ARSK: variants seen among roughly 807,000 people sequenced by gnomAD.
ARSK encodes arylsulfatase K.
A neutral mutation model predicts 53.2 loss-of-function variants in ARSK; 37 were observed. The observed-to-expected ratio is 0.70, with a 90% confidence interval of 0.54 to 0.92. The LOEUF (loss-of-function observed/expected upper bound fraction) is 0.92. Among genes scored for constraint, ARSK ranks in the 40% least tolerant of loss-of-function variants. The pLI is 0.00. For missense variants in ARSK, 613 were observed against 643.0 expected, an observed-to-expected ratio of 0.95 and a Z score of 0.51; for synonymous variants, 208 against 223.2, an observed-to-expected ratio of 0.93 and a Z score of 0.61.
rs1749485179 is a variant in ARSK at position 95,605,102 on chromosome 5, A to G, written c.*1576A>G. 6.6e-6 allele frequency: 1 copy of G among 152,152 alleles called. No homozygotes were observed. The highest frequency in any genetic ancestry group is 1.5e-5 in the Non-Finnish European group (1 of 68,012). 9.4% of individuals were successfully genotyped at this position (152,152 alleles called of 1,614,324 possible). ...TTTGTGGCTTTTGGGATTTTGTATC[A>G]TATTTAGAATGGCCTTCTCCACTTG... On this transcript the variant is annotated 3_prime_UTR_variant, in exon 8 of 8. Coordinates refer to ENST00000380009, the MANE Select transcript of ARSK (RefSeq NM_198150.3).
Position 95,583,215 on chromosome 5 carries a change from T to C in ARSK, c.699+17T>C. ...CTTGAAAAAGTAAGTAACTACATTG[T>C]GTGTGCTCAAAAGTAGATTTATATA... is the stretch of plus-strand genomic sequence containing the variant. On this transcript the variant is annotated intron_variant, in intron 4 of 7. Coordinates refer to ENST00000380009, the MANE Select transcript of ARSK (RefSeq NM_198150.3). 6.6e-7 allele frequency: 1 copy of C among 1,506,466 alleles called. No individual in the cohort carries two copies. 93.3% of individuals were successfully genotyped at this position (1,506,466 alleles called of 1,614,324 possible).
Position 95,583,070 on chromosome 5 carries a change from G to C in ARSK, c.571G>C (p.Ala191Pro), listed in dbSNP as rs764966023. The C allele has an allele frequency of 3.7e-6, 6 of 1,613,750 alleles. No individual in the cohort carries two copies. Among genetic ancestry groups the C allele is most frequent in the Non-Finnish European group, 5.1e-6 (6 of 1,179,740 alleles). ...AGCAGTAAACTGGTTAAGAAAGGAAGCAATTAATTACACTGAACCATTTGT... is the reference window on the plus strand; with the variant it reads ...AGCAGTAAACTGGTTAAGAAAGGAACCAATTAATTACACTGAACCATTTGT... ...DKAVNWLRKE[A>P]INYTEPFVIY... is the part of the protein sequence containing the mutation. The change falls in exon 4 of 8, where the codon GCA (alanine) becomes CCA (proline). Residue 191 changes from alanine to proline, a missense_variant. Ala to Pro is a conservative substitution (Grantham distance 27). Coordinates refer to ENST00000380009, the MANE Select transcript of ARSK (RefSeq NM_198150.3).
intron 1 of ARSK, chr5:95,556,524 T>C (rs928476652): frequency 2.2e-5 from 8 of 369,094 alleles, no homozygotes; most frequent in Admixed American, 4.6e-5. Flanking sequence ...GGTTGTGGGC[T>C]GCTCCTAGAA....
intron 7 of ARSK, among the ~76,000 whole-genome samples, chr5:95,602,233 G>A (rs1321680172): frequency 6.6e-6 from 1 of 152,112 alleles, no homozygotes; most frequent in African/African-American, 2.4e-5. Context: ...CAGCTCATCA[G>A]AATGCCTTTT....
At chr5:95,584,615 G>C (rs532479797) in intron 4 of ARSK, among the ~76,000 whole-genome samples, 1 of 152,198 alleles carries the variant, frequency 6.6e-6, no homozygotes, top group East Asian at 1.9e-4. Flanking sequence ...CAACCACAGA[G>C]TTTGTGAGAA....
chr5:95,572,355 A>G (rs765411617), intron 3 of ARSK, among the ~76,000 whole-genome samples: 1 of 152,240 alleles, frequency 6.6e-6, no homozygotes, highest in Non-Finnish European at 1.5e-5. Context: ...TTCTACTCTG[A>G]AATTCTATAA....
At chr5:95,574,079 A>G (rs1748882001) in intron 3 of ARSK, among the ~76,000 whole-genome samples, 1 of 152,186 alleles carries the variant, frequency 6.6e-6, no homozygotes, top group Admixed American at 6.5e-5. Flanking sequence ...GCTCCCACAA[A>G]TAAGTGAGAA....
chr5:95,578,321 A>ATTT (rs543934915), intron 3 of ARSK, among the ~76,000 whole-genome samples: 1 of 140,106 alleles, frequency 7.1e-6, no homozygotes. Flanking sequence ...CCAGTGAAGA[A>ATTT]TTTTTTTTTT....
In ARSK at chr5:95,566,251, A is replaced by G. The variant is rs539467240; in HGVS notation, c.256+124A>G. 39 of 1,207,230 alleles carry G rather than the reference A, an allele frequency of 3.2e-5. No individual in the cohort carries two copies. The South Asian group carries it at 5.4e-4, about 17-fold the overall frequency. The allele number at this position is 1,207,230 out of a possible 1,614,324, so 74.8% of individuals were successfully genotyped here. ...GGCCTCAATAAAATTGTTTTAATAT[A>G]AAAGATGTGCATTTTAAGGTATATA... On this transcript the variant is annotated intron_variant, in intron 2 of 7. Coordinates refer to ENST00000380009, the MANE Select transcript of ARSK (RefSeq NM_198150.3).
chr5:95,600,800 TA>T (rs1260361300), intron 6 of ARSK, 46 bp from the exon 7 acceptor site: 5 of 1,509,240 alleles, frequency 3.3e-6, no homozygotes, highest in Non-Finnish European at 4.6e-6. Flanking sequence ...GTTCAGCTAA[TA>T]AAAGAATGAG....
At chr5:95,588,413 T>C (rs1749158120) in intron 5 of ARSK, among the ~76,000 whole-genome samples, 1 of 151,872 alleles carries the variant, frequency 6.6e-6, no homozygotes, top group Admixed American at 6.6e-5. Flanking sequence ...ATTTTTGTAT[T>C]TTTAGTAGAG....
At chr5:95,567,510 T>A (rs78123277) in intron 2 of ARSK, among the ~76,000 whole-genome samples, 2 of 152,284 alleles carry the variant, frequency 1.3e-5, no homozygotes, top group East Asian at 1.9e-4. Flanking sequence ...TCCTTAAGGA[T>A]GTTGGGGAAA....
intron 4 of ARSK, among the ~76,000 whole-genome samples, chr5:95,586,117 A>G (rs1749106648): frequency 6.6e-6 from 1 of 152,130 alleles, no homozygotes; most frequent in Non-Finnish European, 1.5e-5. Flanking sequence ...AAAGAGTCAT[A>G]TTTGTTTTTG....
At chr5:95,589,342 G>A (rs1336192075) in intron 5 of ARSK, among the ~76,000 whole-genome samples, 1 of 152,146 alleles carries the variant, frequency 6.6e-6, no homozygotes, top group African/African-American at 2.4e-5. Context: ...ATAGGTAAAC[G>A]TGTGCATAGG....
chr5:95,567,001 A>G (rs1274478785), intron 2 of ARSK, among the ~76,000 whole-genome samples: 1 of 152,242 alleles, frequency 6.6e-6, no homozygotes, highest in Non-Finnish European at 1.5e-5. Flanking sequence ...CAGTTTTGTT[A>G]ACTGTAAAGT....
At position 95,584,796 on chromosome 5, in the gene ARSK, A is replaced by G. The variant is rs570512200; in HGVS notation, c.699+1598A>G. Among the ~76,000 whole-genome samples the G allele has an allele frequency of 9.2e-5, 14 of 152,272 alleles. No individual in the cohort carries two copies. In the East Asian group the frequency reaches 2.7e-3, roughly 29 times the overall value. On this transcript the variant is annotated intron_variant, in intron 4 of 7. Transcript: ENST00000380009. Reference sequence around the variant, plus strand: ...AAAGCTGAGGCGGGTGGATCACCTGAGGTCAGGAGTTCGAGACCAGCCAGA... The same window carrying G: ...AAAGCTGAGGCGGGTGGATCACCTGGGGTCAGGAGTTCGAGACCAGCCAGA...
At chr5:95,603,186 A>C (rs1312089324) in intron 7 of ARSK, 51 bp from the exon 8 acceptor site, 1 of 1,435,290 alleles carries the variant, frequency 7.0e-7, no homozygotes. Context: ...CATTCTAAAA[A>C]AATTTTTAGC....
At chr5:95,557,330 AAT>A (rs1490062174) in intron 1 of ARSK, among the ~76,000 whole-genome samples, 42 of 152,210 alleles carry the variant, frequency 2.8e-4, no homozygotes, top group Admixed American at 2.7e-3. Flanking sequence ...GAGAAAAATA[AAT>A]TGTGAGATCA....
At chr5:95,598,201 C>T (rs927970900) in intron 6 of ARSK, among the ~76,000 whole-genome samples, 13 of 152,122 alleles carry the variant, frequency 8.5e-5, no homozygotes, top group Admixed American at 7.2e-4. Context: ...AAGAACCCTG[C>T]GGTTACTTCT....
Sources: gnomAD v4.1 joint callset for allele counts (sites outside exome capture counted in the v4.1 genomes callset) on GRCh38, gnomAD v4.1.1 for gene constraint, MANE v1.5 for transcripts, NCBI Gene and HGNC (gene_info 2026-07-23, HGNC 2026-07-21) for gene names.